Variants in UNC79 observed in about 807,000 individuals in gnomAD.
The protein encoded by UNC79 is unc-79 subunit of NALCN channel complex.
Under a neutral mutation model 283.1 loss-of-function variants are expected in UNC79, and 37 were observed. The observed-to-expected ratio is 0.13, with a 90% CI of 0.10 to 0.17. The LOEUF is 0.17. UNC79 is among the 10% of genes least tolerant of loss of function. The pLI, the probability that UNC79 is intolerant of heterozygous loss-of-function variation, is 1.00. For missense variants in UNC79, 2,272 were observed against 3,211.1 expected (o/e 0.71, Z 7.07); for synonymous variants, 1,107 against 1,200.2 (o/e 0.92, Z 1.61).
At chr14:93,698,579 G>A (rs534041287) in intron 47 of UNC79, among the ~76,000 whole-genome samples, 197 of 134,436 alleles carry the variant, frequency 1.5e-3, no homozygotes, top group African/African-American at 5.1e-3. Flanking sequence ...TCTGCCTCCC[G>A]GGTTCAAGCA....
intron 26 of UNC79, among the ~76,000 whole-genome samples, chr14:93,608,763 C>T (rs2066075754): frequency 6.6e-6 from 1 of 152,138 alleles, no homozygotes; most frequent in Non-Finnish European, 1.5e-5. Flanking sequence ...AGAAACGTTC[C>T]AATATTCCTG....
At chr14:93,483,551 C>T (rs1269105189) in intron 4 of UNC79, among the ~76,000 whole-genome samples, 2 of 147,100 alleles carry the variant, frequency 1.4e-5, no homozygotes, top group African/African-American at 2.5e-5. Context: ...ACTTTAAGTT[C>T]TAGGGTACAT....
rs1299971526 is a variant in UNC79 at position 93,580,423 on chromosome 14, G to A, written c.2661+47G>A. On this transcript the variant is annotated intron_variant, in intron 19 of 48. Transcript: ENST00000555664. ...ATGACCCATGTATAATAGCATTAAA[G>A]ACTGCAGTAGCTGATGTAATGGAGT... 4 of 1,554,208 alleles carry A rather than the reference G, an allele frequency of 2.6e-6. No individual in the cohort carries two copies. The African/African-American group carries it at 5.5e-5, about 21-fold the overall frequency.
intron 20 of UNC79, among the ~76,000 whole-genome samples, chr14:93,584,756 G>T (rs1394942297): frequency 6.6e-6 from 1 of 152,016 alleles, no homozygotes; most frequent in Non-Finnish European, 1.5e-5. Flanking sequence ...GAGTGCAGTG[G>T]TGTGATCTCG....
intron 16 of UNC79, 79 bp from the exon 17 acceptor site, chr14:93,574,979 A>G (rs1446963007): frequency 1.2e-5 from 18 of 1,491,052 alleles, no homozygotes; most frequent in Non-Finnish European, 1.6e-5. Flanking sequence ...TTGCTTTGGA[A>G]AAAGAAGGTT....
chr14:93,360,386 G>A (rs2054194838), intron 1 of UNC79, among the ~76,000 whole-genome samples: 1 of 152,208 alleles, frequency 6.6e-6, no homozygotes, highest in Admixed American at 6.5e-5. Context: ...CAACTCATTT[G>A]GCCTGTGCAG....
intron 17 of UNC79, among the ~76,000 whole-genome samples, chr14:93,576,360 C>A (rs2141671530): frequency 6.6e-6 from 1 of 151,946 alleles, no homozygotes. Context: ...TCAATCATAC[C>A]CCAAACCTCA....
intron 1 of UNC79, among the ~76,000 whole-genome samples, chr14:93,451,310 C>A (rs1353057528): frequency 6.6e-6 from 1 of 152,044 alleles, no homozygotes; most frequent in Non-Finnish European, 1.5e-5. Flanking sequence ...CTGGGGGCAC[C>A]CCTGGTGTCA....
At chr14:93,443,742 T>G (rs1250341700) in intron 1 of UNC79, among the ~76,000 whole-genome samples, 2 of 152,152 alleles carry the variant, frequency 1.3e-5, no homozygotes, top group Non-Finnish European at 2.9e-5. Context: ...CTTCTTTTAT[T>G]TATCATAATG....
At chr14:93,596,093 T>C (rs2065060110) in intron 23 of UNC79, among the ~76,000 whole-genome samples, 1 of 152,090 alleles carries the variant, frequency 6.6e-6, no homozygotes, top group South Asian at 2.1e-4. Flanking sequence ...ATGTAAGAGG[T>C]TGACAAATTA....
intron 32 of UNC79, among the ~76,000 whole-genome samples, chr14:93,639,219 C>G (rs1278290511): frequency 2.0e-5 from 3 of 152,064 alleles, no homozygotes; most frequent in Non-Finnish European, 4.4e-5. Flanking sequence ...TCTTATGTTT[C>G]TAGTAAGTCT....
At chr14:93,533,228 C>T (rs921392574) in intron 11 of UNC79, among the ~76,000 whole-genome samples, 3 of 152,100 alleles carry the variant, frequency 2.0e-5, no homozygotes, top group South Asian at 4.1e-4. Flanking sequence ...TCCCTCCTAC[C>T]TATGTGGACC....
rs576469819 is a variant in UNC79 at position 93,417,812 on chromosome 14, A to G, written c.-350-49859A>G. Among the ~76,000 whole-genome samples the G allele has an allele frequency of 2.0e-5, 3 of 149,596 alleles. 1 individual carries two copies. The highest frequency in any genetic ancestry group is 3.0e-5 in the Non-Finnish European group (2 of 66,592). ...GATACCCTTTCTTCCAGTTGATTGC[A>G]TCGACTCCTGAGGCTTCTCCATTCT... On this transcript the variant is annotated intron_variant, in intron 1 of 49. Transcript: ENST00000256339.
rs2074389623 is a variant in UNC79 at position 93,688,089 on chromosome 14, G to A, written c.6910-576G>A. On this transcript the variant is annotated intron_variant, in intron 43 of 48. Coordinates refer to ENST00000555664, the Ensembl canonical transcript of UNC79. The surrounding 1 kb of genome is among the most constrained non-coding windows in gnomAD (Gnocchi z 4.0). ...CTTTCTAAATTAATTCAACAAATAG[G>A]TATGAGCACCTGTAATGTCGTGGCA... Among the ~76,000 whole-genome samples, 1 of 152,104 alleles carries A rather than the reference G, an allele frequency of 6.6e-6. No individual in the cohort carries two copies. Among genetic ancestry groups the A allele is most frequent in the South Asian group, 2.1e-4 (1 of 4,822 alleles).
chr14:93,337,716 G>T (rs565894821), intron 1 of UNC79, among the ~76,000 whole-genome samples: 2 of 152,194 alleles, frequency 1.3e-5, no homozygotes, highest in African/African-American at 4.8e-5. Context: ...CCATGCTGTG[G>T]GTGACAAGGA....
At chr14:93,473,377 G>A (rs529939329) in intron 2 of UNC79, among the ~76,000 whole-genome samples, 1 of 152,138 alleles carries the variant, frequency 6.6e-6, no homozygotes, top group South Asian at 2.1e-4. Context: ...ACAAACATAT[G>A]CTATGGACCA....
intron 1 of UNC79, among the ~76,000 whole-genome samples, chr14:93,408,496 T>C (rs1267477595): frequency 1.3e-5 from 2 of 152,148 alleles, no homozygotes; most frequent in African/African-American, 2.4e-5. Context: ...AGTTCAAGAC[T>C]AACCTAGGCA....
chr14:93,598,419 T>C (rs1229908193), intron 24 of UNC79, among the ~76,000 whole-genome samples: 1 of 150,600 alleles, frequency 6.6e-6, no homozygotes, highest in Admixed American at 6.6e-5. Flanking sequence ...TGGCAGATTT[T>C]AAAACTAGGT....
At chr14:93,406,823 A>G (rs1018091544) in intron 1 of UNC79, among the ~76,000 whole-genome samples, 1 of 152,196 alleles carries the variant, frequency 6.6e-6, no homozygotes, top group South Asian at 2.1e-4. Flanking sequence ...GGTGAACTGC[A>G]TATATTAGTT....
Sources: allele counts gnomAD v4.1 joint callset (sites outside exome capture counted in the v4.1 genomes callset), GRCh38; gene constraint gnomAD v4.1.1; non-coding constraint Gnocchi (gnomAD v3.1); transcripts MANE v1.5; gene names NCBI Gene and HGNC (gene_info 2026-07-23, HGNC 2026-07-21).